Variants in GABRB3 observed in about 807,000 individuals in gnomAD.
The protein encoded by GABRB3 is gamma-aminobutyric acid type A receptor subunit beta3, also known as gamma-aminobutyric acid receptor subunit beta-3.
Under a neutral mutation model 52.1 loss-of-function variants are expected in GABRB3, and 14 were observed. The ratio of observed to expected loss-of-function variants is 0.27; its 90% confidence interval spans 0.18 to 0.42. The LOEUF is 0.42. GABRB3 is among the 10% of genes least tolerant of loss of function. The pLI is 1.00. For synonymous variants in GABRB3, 260 were observed against 232.3 expected (o/e 1.12, Z -1.08); for missense variants, 307 against 609.1 (o/e 0.50, Z 5.22).
chr15:26,742,746 A>T (rs1443370734), intron 3 of GABRB3, among the ~76,000 whole-genome samples: 1 of 152,092 alleles, frequency 6.6e-6, no homozygotes, highest in African/African-American at 2.4e-5. Flanking sequence ...CCTGTAATTC[A>T]TCTTTTTCTC....
At chr15:26,630,145 C>T (rs1892873360) in intron 3 of GABRB3, among the ~76,000 whole-genome samples, 1 of 152,158 alleles carries the variant, frequency 6.6e-6, no homozygotes, top group Non-Finnish European at 1.5e-5. Flanking sequence ...ATTCCTCGGC[C>T]AGGCTCCCGG....
chr15:26,624,886 C>T (rs928889211), intron 3 of GABRB3: 26 of 985,334 alleles, frequency 2.6e-5, no homozygotes, highest in African/African-American at 5.2e-5. Flanking sequence ...CTCCTTGTGA[C>T]GTGCAGTGGT....
At chr15:26,669,242 G>A (rs569051885) in intron 3 of GABRB3, among the ~76,000 whole-genome samples, 6 of 152,154 alleles carry the variant, frequency 3.9e-5, no homozygotes, top group South Asian at 2.1e-4. Flanking sequence ...TATCTCTTTC[G>A]TTTCAGTGAT....
intron 3 of GABRB3, among the ~76,000 whole-genome samples, chr15:26,631,999 T>G (rs1892924445): frequency 6.6e-6 from 1 of 152,118 alleles, no homozygotes; most frequent in Non-Finnish European, 1.5e-5. Context: ...GAAAGATGGA[T>G]CCAAGTACAA....
At position 26,546,390 on chromosome 15, in the gene GABRB3, G is replaced by A. The variant is rs887005192; in HGVS notation, c.*1403C>T. On this transcript the variant is annotated 3_prime_UTR_variant, in exon 9 of 9. Transcript: ENST00000311550. ...CCGGTGCACCTTGTCTTGTTTCTAC[G>A]AGCTTTAAAAAGTCCAAATACTGAT... The A allele has an allele frequency of 1.3e-5, 2 of 151,980 alleles. No individual in the cohort carries two copies. Among genetic ancestry groups the A allele is most frequent in the African/African-American group, 2.4e-5 (1 of 41,212 alleles). The allele number at this position is 151,980 out of a possible 1,614,324, so 9.4% of individuals were successfully genotyped here. A position where few individuals can be genotyped will look rare whatever the true frequency, so the allele number is the denominator to read the frequency against.
intron 6 of GABRB3, among the ~76,000 whole-genome samples, chr15:26,575,860 T>A (rs975439696): frequency 2.0e-5 from 3 of 152,158 alleles, no homozygotes; most frequent in African/African-American, 7.2e-5. Context: ...ACTGTCCAAA[T>A]GTACCAAAGA....
At chr15:26,595,559 G>A (rs1036067095) in intron 4 of GABRB3, among the ~76,000 whole-genome samples, 1 of 152,146 alleles carries the variant, frequency 6.6e-6, no homozygotes, top group Non-Finnish European at 1.5e-5. Context: ...ACAGCTTCTA[G>A]TTTTTGTTTT....
intron 3 of GABRB3, among the ~76,000 whole-genome samples, chr15:26,662,130 A>T (rs1291792844): frequency 1.3e-5 from 2 of 152,216 alleles, no homozygotes; most frequent in African/African-American, 4.8e-5. Context: ...TGCAGTGCAT[A>T]CAAAGGAAGT....
At chr15:26,686,229 G>A (rs1429991756) in intron 3 of GABRB3, among the ~76,000 whole-genome samples, 1 of 152,174 alleles carries the variant, frequency 6.6e-6, no homozygotes, top group Non-Finnish European at 1.5e-5. Context: ...ACAGGCGTGA[G>A]CCACTGCACC....
At chr15:26,601,247 C>A (rs1015429020) in intron 4 of GABRB3, among the ~76,000 whole-genome samples, 1 of 152,060 alleles carries the variant, frequency 6.6e-6, no homozygotes, top group East Asian at 1.9e-4. Flanking sequence ...CATGGCAAAA[C>A]CCGGTCCCCA....
intron 3 of GABRB3, among the ~76,000 whole-genome samples, chr15:26,732,800 C>T (rs1007356021): frequency 6.6e-6 from 1 of 152,156 alleles, no homozygotes; most frequent in East Asian, 1.9e-4. Flanking sequence ...ACCATCCTGG[C>T]CAAAATGATG....
chr15:26,699,017 G>A (rs1202841936), intron 3 of GABRB3, among the ~76,000 whole-genome samples: 1 of 152,124 alleles, frequency 6.6e-6, no homozygotes, highest in Non-Finnish European at 1.5e-5. Flanking sequence ...CATTCATATA[G>A]TGTGATGAGC....
At chr15:26,757,057 T>G (rs146407446) in intron 3 of GABRB3, among the ~76,000 whole-genome samples, 127 of 152,358 alleles carry the variant, frequency 8.3e-4, no homozygotes, top group African/African-American at 2.8e-3. Context: ...AATTTAATTT[T>G]GGGCACAGTA....
chr15:26,725,841 A>ATG (rs1889757598), intron 3 of GABRB3, among the ~76,000 whole-genome samples: 6 of 152,232 alleles, frequency 3.9e-5, no homozygotes, highest in Non-Finnish European at 8.8e-5. Flanking sequence ...TGCATGAAAC[A>ATG]AAGTTTGCAT....
In GABRB3 at chr15:26,547,654, A is replaced by G. The variant is rs1285065598; in HGVS notation, c.*139T>C. 18 of 670,274 alleles carry G rather than the reference A, an allele frequency of 2.7e-5. No homozygotes were observed. The highest frequency in any genetic ancestry group is 3.9e-5 in the Non-Finnish European group (15 of 381,466). 41.5% of individuals were successfully genotyped at this position (670,274 alleles called of 1,614,324 possible). A position where few individuals can be genotyped will look rare whatever the true frequency, so the allele number is the denominator to read the frequency against. The stretch of plus-strand genomic sequence containing the variant: ...TTTTATATATATGCTGAGAAAGTTC[A>G]CATATATATACAATTGCGTATGTAT... On this transcript the variant is annotated 3_prime_UTR_variant, in exon 9 of 9. Transcript: ENST00000311550.
chr15:26,752,345 C>A (rs769951360), intron 3 of GABRB3, among the ~76,000 whole-genome samples: 6 of 151,664 alleles, frequency 4.0e-5, no homozygotes, highest in African/African-American at 7.3e-5. Context: ...CTGACTGCAA[C>A]CTCAACCTCC....
At chr15:26,648,948 G>A (rs1157161738) in intron 3 of GABRB3, among the ~76,000 whole-genome samples, 2 of 152,108 alleles carry the variant, frequency 1.3e-5, no homozygotes, top group Non-Finnish European at 2.9e-5. Context: ...GTGGCAGGAG[G>A]AGCTGAGTCA....
intron 3 of GABRB3, among the ~76,000 whole-genome samples, chr15:26,755,940 G>T (rs1890647427): frequency 6.6e-6 from 1 of 152,054 alleles, no homozygotes; most frequent in Non-Finnish European, 1.5e-5. Flanking sequence ...ACATTATTTG[G>T]CCAGTCAAGG....
rs113448165 is a variant in GABRB3, at chr15:26,684,413, G to A, written c.241-62879C>T. Among the ~76,000 whole-genome samples, 1,050 of 152,248 alleles carry A rather than the reference G, an allele frequency of 6.9e-3. 9 individuals are homozygous for A. Among genetic ancestry groups the A allele is most frequent in the African/African-American group, 0.023 (975 of 41,542 alleles). ...GAGTACGAGAGAAATGTTCACATAT[G>A]GGAAGAAAAACGCACCAGAGTGCAC... On this transcript the variant is annotated intron_variant, in intron 3 of 8. Transcript: ENST00000311550.
Sources: gnomAD v4.1 joint callset for allele counts (sites outside exome capture counted in the v4.1 genomes callset) on GRCh38, gnomAD v4.1.1 for gene constraint, MANE v1.5 for transcripts, NCBI Gene and HGNC (gene_info 2026-07-23, HGNC 2026-07-21) for gene names.